TP63: variants seen among roughly 807,000 people sequenced by gnomAD.
TP63 encodes the protein tumor protein 63.
In TP63, 17 loss-of-function variants were observed where a neutral mutation model predicts 82.8. The observed-to-expected ratio is 0.21, with a 90% CI of 0.14 to 0.31. The LOEUF is 0.31. Among genes scored for constraint, TP63 ranks in the 10% least tolerant of loss-of-function variants. The pLI is 1.00. For synonymous variants in TP63, 330 were observed against 321.7 expected, an observed-to-expected ratio of 1.03 and a Z score of -0.28; for missense variants, 648 against 895.3, an observed-to-expected ratio of 0.72 and a Z score of 3.52.
intron 1 of TP63, among the ~76,000 whole-genome samples, chr3:189,654,963 T>C (rs553923421): frequency 3.3e-5 from 5 of 152,312 alleles, no homozygotes; most frequent in Admixed American, 3.3e-4. Flanking sequence ...GATGGAAATA[T>C]CACGGAACAG....
chr3:189,659,429 T>C (rs1438992543), intron 1 of TP63, among the ~76,000 whole-genome samples: 1 of 152,114 alleles, frequency 6.6e-6, no homozygotes, highest in Non-Finnish European at 1.5e-5. Flanking sequence ...GTTGTCTATG[T>C]ACCATATTTT....
chr3:189,634,546 A>G (rs1729655817), intron 1 of TP63, among the ~76,000 whole-genome samples: 1 of 151,996 alleles, frequency 6.6e-6, no homozygotes, highest in African/African-American at 2.4e-5. Context: ...GTTAATGCTA[A>G]TTTACTTTAG....
chr3:189,609,324 T>C, the TP63 span, among the ~76,000 whole-genome samples: 5 of 152,160 alleles, frequency 3.3e-5, no homozygotes, highest in Admixed American at 6.5e-5. Flanking sequence ...CAATTAATAG[T>C]GCATAAATAA....
At chr3:189,810,675 G>T (rs1727447528) in intron 4 of TP63, among the ~76,000 whole-genome samples, 1 of 151,962 alleles carries the variant, frequency 6.6e-6, no homozygotes, top group African/African-American at 2.4e-5. Flanking sequence ...GGCCAACATA[G>T]TGAAACCCTG....
chr3:189,734,226 C>T (rs1415294468), intron 1 of TP63, among the ~76,000 whole-genome samples: 1 of 134,212 alleles, frequency 7.5e-6, no homozygotes, highest in African/African-American at 2.8e-5. Context: ...GGCTGGCATG[C>T]AGTGGCTCAA....
intron 3 of TP63, among the ~76,000 whole-genome samples, chr3:189,784,193 C>T (rs1724427911): frequency 6.6e-6 from 1 of 151,918 alleles, no homozygotes; most frequent in South Asian, 2.1e-4. Flanking sequence ...GAGAGATTAT[C>T]TTATCTCTGT....
rs111376129 is a variant in TP63 at position 189,730,382 on chromosome 3, C to T, written c.63-7358C>T. On this transcript the variant is annotated intron_variant, in intron 1 of 13. Coordinates refer to ENST00000264731, the MANE Select transcript of TP63 (RefSeq NM_003722.5). ...TGGTCATATCGTGGAAAAAGGCTGA[C>T]TATTTTGATGAGACAGAATTAGTAA... 4.8e-3 allele frequency among the ~76,000 whole-genome samples: 730 copies of T among 152,194 alleles called. 3 individuals carry two copies. The highest frequency in any genetic ancestry group is 0.017 in the African/African-American group (709 of 41,518).
rs144586915 is a variant in TP63 at position 189,684,719 on chromosome 3, C to T, written c.63-53021C>T. On this transcript the variant is annotated intron_variant, in intron 1 of 13. Coordinates refer to ENST00000264731, the MANE Select transcript of TP63 (RefSeq NM_003722.5). ...AATCTCGGCTCACTGCAACCTCCGC[C>T]TCCCGAGTTCAAGCGATTCTCATGC... Among the ~76,000 whole-genome samples the T allele has an allele frequency of 5.0e-3, 752 of 151,314 alleles. 7 individuals carry two copies. Among genetic ancestry groups the T allele is most frequent in the African/African-American group, 0.018 (726 of 41,244 alleles).
At chr3:189,866,921 A>G in intron 6 of TP63, 124 bp downstream of exon 6, 7 of 811,838 alleles carry the variant, frequency 8.6e-6, no homozygotes, top group Non-Finnish European at 1.2e-5. Flanking sequence ...TTGTCATCAA[A>G]TATATAATAT....
chr3:189,866,895 A>G, intron 6 of TP63, 98 bp downstream of exon 6: 9 of 960,674 alleles, frequency 9.4e-6, no homozygotes, highest in Non-Finnish European at 1.5e-5. Context: ...TCTAGCATCT[A>G]TCACTGTCTT....
chr3:189,748,051 A>G (rs1333321650), intron 3 of TP63, among the ~76,000 whole-genome samples: 1 of 152,042 alleles, frequency 6.6e-6, no homozygotes, highest in African/African-American at 2.4e-5. Context: ...ACATGCCTCT[A>G]CATAATGATG....
chr3:189,663,521 C>CATTTTTT (rs1714108474), intron 1 of TP63, among the ~76,000 whole-genome samples: 1 of 84,530 alleles, frequency 1.2e-5, no homozygotes, highest in Non-Finnish European at 2.1e-5. Context: ...TTCATTCATT[C>CATTTTTT]TTTTTTTTTT....
chr3:189,797,632 C>T (rs1245248235), intron 3 of TP63, among the ~76,000 whole-genome samples: 8 of 151,968 alleles, frequency 5.3e-5, no homozygotes, highest in South Asian at 2.1e-4. Flanking sequence ...TTAAATAGAC[C>T]GTGTGAGACT....
chr3:189,777,793 A>G (rs1723915120), intron 3 of TP63, among the ~76,000 whole-genome samples: 1 of 139,612 alleles, frequency 7.2e-6, no homozygotes. Context: ...CTCCTATACT[A>G]GATGAGGAAG....
intron 3 of TP63, among the ~76,000 whole-genome samples, chr3:189,804,906 G>A (rs972283438): frequency 6.6e-6 from 1 of 152,168 alleles, no homozygotes. Context: ...CACTTTGATT[G>A]TGTGTAGTAG....
At chr3:189,757,804 C>T (rs1279434229) in intron 3 of TP63, among the ~76,000 whole-genome samples, 1 of 152,108 alleles carries the variant, frequency 6.6e-6, no homozygotes, top group Admixed American at 6.5e-5. Context: ...TACACTATTT[C>T]ACTCAAATAA....
chr3:189,612,173 TGTG>T, the TP63 span, among the ~76,000 whole-genome samples: 3 of 152,150 alleles, frequency 2.0e-5, no homozygotes, highest in Non-Finnish European at 4.4e-5. Flanking sequence ...TCTTGAGGAC[TGTG>T]TTCCTTTGGG....
intron 3 of TP63, among the ~76,000 whole-genome samples, chr3:189,759,264 G>C (rs941513291): frequency 1.3e-5 from 2 of 152,208 alleles, no homozygotes; most frequent in African/African-American, 2.4e-5. Flanking sequence ...GGGAAAGTGA[G>C]AGTGGTGATC....
chr3:189,740,381 A>G lies in TP63; in HGVS notation c.324+1607A>G, dbSNP rs193284843. On this transcript the variant is annotated intron_variant, in intron 3 of 13. Coordinates refer to ENST00000264731, the MANE Select transcript of TP63 (RefSeq NM_003722.5). ...GAAAACCTGTTATTGTATTCTCTCC[A>G]GGGATTTTCTGTTCTCAGTCTTGGA... 7.0e-4 allele frequency among the ~76,000 whole-genome samples: 106 copies of G among 152,308 alleles called. 1 individual carries two copies. In the East Asian group the frequency reaches 0.013, roughly 19 times the overall value.
Sources: gnomAD v4.1 joint callset for allele counts (sites outside exome capture counted in the v4.1 genomes callset) on GRCh38, gnomAD v4.1.1 for gene constraint, MANE v1.5 for transcripts, NCBI Gene and HGNC (gene_info 2026-07-23, HGNC 2026-07-21) for gene names.